Variants in WDPCP observed in about 807,000 individuals in gnomAD.
WDPCP encodes the protein WD repeat containing planar cell polarity effector.
A neutral mutation model predicts 93.1 loss-of-function variants in WDPCP; 71 were observed. The ratio of observed to expected loss-of-function variants is 0.76; its 90% CI spans 0.63 to 0.93. The LOEUF (loss-of-function observed/expected upper bound fraction) is 0.93, where lower values mean the gene tolerates loss of function less well. Among genes scored for constraint, WDPCP ranks in the 40% least tolerant of loss-of-function variants. The pLI is 0.00. For missense variants in WDPCP, 844 were observed against 887.4 expected (o/e 0.95, Z 0.62); for synonymous variants, 315 against 315.0 (o/e 1.00, Z 0.00).
intron 1 of WDPCP, among the ~76,000 whole-genome samples, chr2:63,817,109 T>C (rs769689526): frequency 6.9e-6 from 1 of 144,878 alleles, no homozygotes; most frequent in Non-Finnish European, 1.5e-5. Context: ...CAAGAGCTGC[T>C]ACATTTTTTT....
intron 14 of WDPCP, among the ~76,000 whole-genome samples, chr2:63,213,595 C>T (rs910636805): frequency 2.0e-5 from 3 of 151,958 alleles, no homozygotes; most frequent in Non-Finnish European, 4.4e-5. Flanking sequence ...CATTCAAAAG[C>T]GAGCACAAGG....
rs561129130 is a variant in WDPCP at position 63,732,046 on chromosome 2, A to C, written n.309-81208T>G. On this transcript the variant is annotated intron_variant and non_coding_transcript_variant, in intron 2 of 4. Transcript: ENST00000467687. ...ACTCCCTAGGAATAAATGAGGAAAGAGGGGAGATAGTTAAGGCTCCATGTG... is the reference window on the plus strand; with the variant it reads ...ACTCCCTAGGAATAAATGAGGAAAGCGGGGAGATAGTTAAGGCTCCATGTG... Among the ~76,000 whole-genome samples the C allele has an allele frequency of 2.0e-5, 3 of 152,314 alleles. No individual in the cohort carries two copies. The South Asian group carries it at 6.2e-4, about 32-fold the overall frequency.
At chr2:63,699,629 TA>T (rs975804765) in intron 2 of WDPCP, among the ~76,000 whole-genome samples, 4 of 151,818 alleles carry the variant, frequency 2.6e-5, no homozygotes, top group African/African-American at 9.7e-5. Flanking sequence ...GGGAGAAGTC[TA>T]AAAAAAAGTT....
chr2:63,517,279 AATATATGAATTAG>A, intron 1 of WDPCP, among the ~76,000 whole-genome samples: 1 of 152,120 alleles, frequency 6.6e-6, no homozygotes, highest in East Asian at 1.9e-4. Flanking sequence ...GTATATTTTA[AATATATGAATTAG>A]ATCATTTGTC....
intron 3 of WDPCP, among the ~76,000 whole-genome samples, chr2:63,626,049 C>A (rs2789772): frequency 3.3e-5 from 5 of 152,172 alleles, no homozygotes; most frequent in Non-Finnish European, 7.3e-5. Flanking sequence ...CTACAACCAT[C>A]TGATCTTTGA....
chr2:63,485,053 T>C (rs1700487567), intron 4 of WDPCP, 66 bp from the exon 5 acceptor site: 4 of 1,567,006 alleles, frequency 2.6e-6, no homozygotes, highest in East Asian at 2.2e-5. Context: ...TGCTTAGCAG[T>C]GTGCCTTAGG....
At chr2:63,154,764 A>G (rs1672121691) in intron 15 of WDPCP, among the ~76,000 whole-genome samples, 2 of 152,152 alleles carry the variant, frequency 1.3e-5, no homozygotes, top group African/African-American at 4.8e-5. Context: ...TCATGCGACA[A>G]TGAATGAGAG....
chr2:63,393,430 A>T (rs1258201228), intron 10 of WDPCP, among the ~76,000 whole-genome samples: 1 of 152,122 alleles, frequency 6.6e-6, no homozygotes, highest in Non-Finnish European at 1.5e-5. Flanking sequence ...GAAATACCTA[A>T]TGTAAATGAC....
chr2:63,310,155 T>C (rs1255671162), intron 13 of WDPCP, among the ~76,000 whole-genome samples: 1 of 152,188 alleles, frequency 6.6e-6, no homozygotes. Flanking sequence ...ACTTCATATA[T>C]ATTATTAATT....
At chr2:63,610,628 C>T (rs1709604725) in intron 3 of WDPCP, among the ~76,000 whole-genome samples, 2 of 151,928 alleles carry the variant, frequency 1.3e-5, no homozygotes, top group African/African-American at 4.8e-5. Context: ...GACTCCCACC[C>T]ATTTAAGCCT....
At chr2:63,282,156 C>T (rs1028606368) in intron 13 of WDPCP, among the ~76,000 whole-genome samples, 4 of 152,112 alleles carry the variant, frequency 2.6e-5, no homozygotes, top group African/African-American at 7.2e-5. Flanking sequence ...GCTGAAGGCA[C>T]GCTACTAAAA....
upstream of WDPCP, among the ~76,000 whole-genome samples, chr2:63,591,403 T>A (rs1709199763): frequency 6.6e-6 from 1 of 152,208 alleles, no homozygotes; most frequent in Non-Finnish European, 1.5e-5. Flanking sequence ...GGAAAGTAAT[T>A]TCCCCAAAGA....
chr2:63,400,288 T>C (rs1310254499), intron 10 of WDPCP, among the ~76,000 whole-genome samples: 2 of 152,090 alleles, frequency 1.3e-5, no homozygotes, highest in Non-Finnish European at 2.9e-5. Flanking sequence ...AAAAATCAAC[T>C]GGAAATGGAT....
chr2:63,362,388 C>T (rs1690553315), intron 12 of WDPCP, among the ~76,000 whole-genome samples: 1 of 149,002 alleles, frequency 6.7e-6, no homozygotes, highest in Admixed American at 6.8e-5. Context: ...CAATATTCTG[C>T]TCAGAGTGAC....
chr2:63,578,495 A>G (rs536183585), intron 1 of WDPCP, among the ~76,000 whole-genome samples: 1 of 152,308 alleles, frequency 6.6e-6, no homozygotes, highest in Non-Finnish European at 1.5e-5. Flanking sequence ...ATGAAAAGAA[A>G]TATGTGTTCT....
intron 14 of WDPCP, among the ~76,000 whole-genome samples, chr2:63,251,830 G>A (rs937233472): frequency 4.6e-5 from 7 of 151,756 alleles, no homozygotes; most frequent in Non-Finnish European, 1.0e-4. Flanking sequence ...GGACCAGATG[G>A]ATTTGCAGCT....
At chr2:63,797,933 A>T (rs1288615923) in intron 2 of WDPCP, among the ~76,000 whole-genome samples, 1 of 152,196 alleles carries the variant, frequency 6.6e-6, no homozygotes, top group African/African-American at 2.4e-5. Flanking sequence ...AAGCATCAAG[A>T]GAAAAGAAAC....
intron 14 of WDPCP, among the ~76,000 whole-genome samples, chr2:63,236,866 T>C (rs1415562984): frequency 6.6e-6 from 1 of 151,980 alleles, no homozygotes; most frequent in African/African-American, 2.4e-5. Context: ...CCTCAAAATA[T>C]AAAAATCCTA....
intron 2 of WDPCP, among the ~76,000 whole-genome samples, chr2:63,673,416 AAG>A (rs1343090994): frequency 6.6e-6 from 1 of 152,122 alleles, no homozygotes; most frequent in Non-Finnish European, 1.5e-5. Context: ...ATTGGGTAGG[AAG>A]AGTCTCAAAT....
Sources: allele counts gnomAD v4.1 joint callset (sites outside exome capture counted in the v4.1 genomes callset), GRCh38; gene constraint gnomAD v4.1.1; transcripts MANE v1.5; gene names NCBI Gene and HGNC (gene_info 2026-07-23, HGNC 2026-07-21).